The following ADAM12 variants were observed in gnomAD, a reference collection of about 807,000 sequenced individuals.
ADAM12 encodes the protein ADAM metallopeptidase domain 12.
In ADAM12, 70 loss-of-function variants were observed where a neutral mutation model predicts 106.4. The observed-to-expected ratio is 0.66, with a 90% CI of 0.54 to 0.80. The LOEUF (loss-of-function observed/expected upper bound fraction) is 0.80, where lower values mean the gene tolerates loss of function less well. Ranked by LOEUF, ADAM12 falls within the 30% of genes least tolerant of loss-of-function variation. ADAM12 has a pLI of 0.00. For missense variants in ADAM12, 1,010 were observed against 1,171.9 expected, an observed-to-expected ratio of 0.86 and a Z score of 2.02; for synonymous variants, 420 against 433.5, an observed-to-expected ratio of 0.97 and a Z score of 0.39.
chr10:126,361,142 G>A (rs1383180592), intron 1 of ADAM12, among the ~76,000 whole-genome samples: 3 of 152,140 alleles, frequency 2.0e-5, no homozygotes, highest in Non-Finnish European at 4.4e-5. Context: ...AAGTCAAGAT[G>A]AGATTTTGGT....
intron 2 of ADAM12, among the ~76,000 whole-genome samples, chr10:126,316,909 T>C (rs1002754673): frequency 6.6e-6 from 1 of 152,128 alleles, no homozygotes; most frequent in East Asian, 1.9e-4. Flanking sequence ...TACAGCACAC[T>C]TCATTTTAAT....
chr10:126,232,847 G>T (rs754017206), intron 3 of ADAM12, among the ~76,000 whole-genome samples: 1 of 152,192 alleles, frequency 6.6e-6, no homozygotes, highest in Non-Finnish European at 1.5e-5. Flanking sequence ...GGAAGATAAG[G>T]AATATTAAAA....
intron 21 of ADAM12, among the ~76,000 whole-genome samples, chr10:126,025,986 G>A (rs1445085058): frequency 1.3e-5 from 2 of 152,176 alleles, no homozygotes; most frequent in Non-Finnish European, 2.9e-5. Context: ...AGCTAGAAGA[G>A]CTTGGGGACC....
chr10:126,333,770 A>G (rs1188855675), intron 1 of ADAM12, among the ~76,000 whole-genome samples: 1 of 152,198 alleles, frequency 6.6e-6, no homozygotes, highest in African/African-American at 2.4e-5. Context: ...TTTCACCTAC[A>G]TATTCCAGTA....
chr10:126,177,042 G>GCACACACACA (rs150341109), intron 3 of ADAM12, among the ~76,000 whole-genome samples: 36 of 150,794 alleles, frequency 2.4e-4, no homozygotes, highest in African/African-American at 8.5e-4. Context: ...GTGCACATGT[G>GCACACACACA]CACACACACA....
rs185306568 is a variant in ADAM12 at position 126,380,677 on chromosome 10, C to G, written c.88+7381G>C. On this transcript the variant is annotated intron_variant, in intron 1 of 22. Transcript: ENST00000448723. Reference sequence around the variant, plus strand: ...AATACTAACCAAACATATGAAGAAACAACTATGAAAAATGCACAGCAACTA... The same window carrying G: ...AATACTAACCAAACATATGAAGAAAGAACTATGAAAAATGCACAGCAACTA... Among the ~76,000 whole-genome samples the G allele has an allele frequency of 1.2e-4, 19 of 152,278 alleles. No homozygotes were observed. The East Asian group carries it at 3.3e-3, about 26-fold the overall frequency.
chr10:126,322,496 GTA>G (rs1854135429), intron 2 of ADAM12, among the ~76,000 whole-genome samples: 1 of 152,206 alleles, frequency 6.6e-6, no homozygotes, highest in African/African-American at 2.4e-5. Context: ...TCAGTCAGGT[GTA>G]TCAGGGATGC....
chr10:126,269,383 C>T (rs543649403), intron 3 of ADAM12, among the ~76,000 whole-genome samples: 41 of 152,304 alleles, frequency 2.7e-4, no homozygotes, highest in African/African-American at 9.4e-4. Context: ...TGCTCTGGTT[C>T]AAACGCCTCT....
chr10:126,222,933 A>G (rs1374247634), intron 3 of ADAM12, among the ~76,000 whole-genome samples: 1 of 152,032 alleles, frequency 6.6e-6, no homozygotes, highest in East Asian at 1.9e-4. Flanking sequence ...GCAATAGAAA[A>G]TTTTCCATTG....
chr10:126,162,222 T>G (rs1187076046), intron 3 of ADAM12, among the ~76,000 whole-genome samples: 1 of 151,844 alleles, frequency 6.6e-6, no homozygotes, highest in African/African-American at 2.4e-5. Context: ...GAAGTCAGCC[T>G]GGGGAGGGGG....
At chr10:126,051,157 C>T (rs562083529) in intron 14 of ADAM12, among the ~76,000 whole-genome samples, 1 of 152,160 alleles carries the variant, frequency 6.6e-6, no homozygotes, top group Admixed American at 6.5e-5. Flanking sequence ...CAGTGTGGAA[C>T]CTGCACTTTG....
chr10:126,086,079 A>T (rs1955334771), intron 11 of ADAM12, among the ~76,000 whole-genome samples: 1 of 152,192 alleles, frequency 6.6e-6, no homozygotes, highest in African/African-American at 2.4e-5. Context: ...AACAAATAAA[A>T]TGCTGGGTTA....
intron 1 of ADAM12, among the ~76,000 whole-genome samples, chr10:126,331,680 A>G (rs1029947559): frequency 6.6e-6 from 1 of 152,180 alleles, no homozygotes; most frequent in African/African-American, 2.4e-5. Flanking sequence ...TCCGAAATAC[A>G]GCCAATGGGA....
intron 5 of ADAM12, among the ~76,000 whole-genome samples, chr10:126,120,943 A>G (rs1329152755): frequency 7.2e-6 from 1 of 138,574 alleles, no homozygotes; most frequent in African/African-American, 2.7e-5. Flanking sequence ...TATATATTAC[A>G]TATGTAATAT....
intron 1 of ADAM12, among the ~76,000 whole-genome samples, chr10:126,379,709 A>G (rs1236384550): frequency 6.6e-6 from 1 of 151,682 alleles, no homozygotes; most frequent in African/African-American, 2.4e-5. Context: ...AGTTGCTCAT[A>G]TATCTAGGCA....
intron 2 of ADAM12, among the ~76,000 whole-genome samples, chr10:126,292,103 CTT>C (rs1447177237): frequency 4.6e-5 from 7 of 152,132 alleles, no homozygotes; most frequent in Admixed American, 4.6e-4. Context: ...TGACTGCTCT[CTT>C]GAGCCCAGCA....
intron 3 of ADAM12, among the ~76,000 whole-genome samples, chr10:126,262,088 CATAAT>C (rs1167250450): frequency 6.6e-6 from 1 of 152,120 alleles, no homozygotes; most frequent in Admixed American, 6.5e-5. Flanking sequence ...TTTTTCTAAA[CATAAT>C]ATATTTGTTA....
intron 3 of ADAM12, among the ~76,000 whole-genome samples, chr10:126,261,458 A>C (rs1209335865): frequency 6.6e-6 from 1 of 152,168 alleles, no homozygotes; most frequent in Non-Finnish European, 1.5e-5. Flanking sequence ...ATATTATCTA[A>C]TTTTCCTATT....
chr10:126,220,792 G>A (rs550735704), intron 3 of ADAM12, among the ~76,000 whole-genome samples: 25 of 152,330 alleles, frequency 1.6e-4, no homozygotes, highest in Admixed American at 5.9e-4. Flanking sequence ...CACCTATTAG[G>A]AGCCGCTCCT....
Sources: allele counts gnomAD v4.1 joint callset (sites outside exome capture counted in the v4.1 genomes callset), GRCh38; gene constraint gnomAD v4.1.1; transcripts MANE v1.5; gene names NCBI Gene and HGNC (gene_info 2026-07-23, HGNC 2026-07-21).